The following BCCIP variants were observed in gnomAD, a reference collection of about 807,000 sequenced individuals.
BCCIP encodes the protein BRCA2 and CDKN1A-interacting protein.
Under a neutral mutation model 32.8 loss-of-function variants are expected in BCCIP, and 23 were observed. That is an observed-to-expected ratio of 0.70 (90% CI 0.51 to 0.99). The LOEUF (loss-of-function observed/expected upper bound fraction) is 0.99, where lower values mean the gene tolerates loss of function less well. BCCIP is among the 50% of genes least tolerant of loss of function. BCCIP has a pLI of 0.00. For synonymous variants in BCCIP, 144 were observed against 137.6 expected, an observed-to-expected ratio of 1.05 and a Z score of -0.33; for missense variants, 378 against 379.8, an observed-to-expected ratio of 1.00 and a Z score of 0.04.
chr10:125,836,109 A>G lies in BCCIP; in HGVS notation c.780A>G (p.Ala260=). 1 of 1,610,298 alleles carries G rather than the reference A, an allele frequency of 6.2e-7. No homozygotes were observed. Among genetic ancestry groups the G allele is most frequent in the Admixed American group, 1.7e-5 (1 of 59,760 alleles). The change falls in exon 7 of 7, where the codon GCA becomes GCG. Residue 260 remains alanine (A), a synonymous_variant. Transcript: ENST00000278100. ...TGGTTACTTATTTGGTTTAGAAGGC[A>G]ATTCTCAAGTTCAACTACTCAGTGC... is the stretch of plus-strand genomic sequence containing the variant. ...NAEEEFFYEK[A]ILKFNYSVQE...
At chr10:125,826,470 A>C in intron 1 of BCCIP, 121 bp from the exon 2 acceptor site, 1 of 1,449,306 alleles carries the variant, frequency 6.9e-7, no homozygotes, top group Non-Finnish European at 9.2e-7. Flanking sequence ...TGTCACCTGA[A>C]GAAATAGTGT....
exon 7 of BCCIP, chr10:125,841,813 C>G: frequency 1.9e-6 from 3 of 1,613,650 alleles, no homozygotes; most frequent in Non-Finnish European, 2.5e-6. Flanking sequence ...AGATAGACTT[C>G]GAGAGTTGTG....
At chr10:125,829,414 C>A (rs190079235) in intron 3 of BCCIP, among the ~76,000 whole-genome samples, 219 of 152,318 alleles carry the variant, frequency 1.4e-3, no homozygotes, top group African/African-American at 5.1e-3. Context: ...TCCATTCAGT[C>A]TAATGTTCCA....
chr10:125,852,359 T>C, intron 7 of BCCIP: 1 of 1,614,204 alleles, frequency 6.2e-7, no homozygotes, highest in Non-Finnish European at 8.5e-7. Flanking sequence ...AAAAGCACCA[T>C]GCTTGTTAGG....
At chr10:125,845,674 A>G (rs1944007874), downstream of BCCIP, among the ~76,000 whole-genome samples, 1 of 152,242 alleles carries the variant, frequency 6.6e-6, no homozygotes, top group South Asian at 2.1e-4. Context: ...AGGATGTTAG[A>G]GATAGAGTGG....
At chr10:125,825,763 T>C (rs983682627) in intron 1 of BCCIP, 3 of 152,228 alleles carry the variant, frequency 2.0e-5, no homozygotes, top group Non-Finnish European at 4.4e-5. Flanking sequence ...GTGTCACTTA[T>C]CAAGGTCTGA....
downstream of BCCIP, chr10:125,838,105 G>A: frequency 8.8e-7 from 1 of 1,135,574 alleles, no homozygotes; most frequent in South Asian, 1.7e-5. Context: ...GATTGCATCA[G>A]TATAAACTTT....
chr10:125,833,751 T>C (rs759903747), intron 5 of BCCIP, 21 bp from the exon 6 acceptor site: 2 of 1,611,892 alleles, frequency 1.2e-6, no homozygotes, highest in East Asian at 2.2e-5. Flanking sequence ...GGTAAACAAA[T>C]GTTGTGTGTG....
chr10:125,830,746 G>A (rs1473655640), intron 4 of BCCIP, 95 bp downstream of exon 4: 1 of 747,794 alleles, frequency 1.3e-6, no homozygotes, highest in Non-Finnish European at 2.3e-6. Context: ...GTTAAACAGT[G>A]ATATTAACTA....
intron 6 of BCCIP, among the ~76,000 whole-genome samples, chr10:125,835,122 G>C (rs1190652015): frequency 6.6e-6 from 1 of 151,660 alleles, no homozygotes; most frequent in African/African-American, 2.4e-5. Context: ...GACAGAGCGA[G>C]ACTCTGTCTC....
In BCCIP at chr10:125,829,058, T is replaced by G. The variant is rs1466383409; in HGVS notation, c.321+1420T>G. ...TTTGCTTAGTCTTTACAGATAGAAA[T>G]TTCTATCTAGGGGGAGGGCACATTG... On this transcript the variant is annotated intron_variant, in intron 3 of 6. Coordinates refer to ENST00000278100, the MANE Select transcript of BCCIP (RefSeq NM_078468.3). Among the ~76,000 whole-genome samples, 3 of 152,098 alleles carry G rather than the reference T, an allele frequency of 2.0e-5. No homozygotes were observed. The East Asian group carries it at 5.8e-4, about 29-fold the overall frequency.
In BCCIP at chr10:125,827,764, G is replaced by A. The variant is rs1854432791; in HGVS notation, c.321+126G>A. On this transcript the variant is annotated intron_variant, in intron 3 of 6. Coordinates refer to ENST00000278100, the MANE Select transcript of BCCIP (RefSeq NM_078468.3). ...GTGGGAGGATTGCTTGAGGCCAGGA[G>A]TTCAAGACCATCCTGGGCAATATAG... 7 of 651,994 alleles carry A rather than the reference G, an allele frequency of 1.1e-5. No homozygotes were observed. In the South Asian group the frequency reaches 1.4e-4, roughly 13 times the overall value. 40.4% of individuals were successfully genotyped at this position (651,994 alleles called of 1,614,324 possible). A position where few individuals can be genotyped will look rare whatever the true frequency, so the allele number is the denominator to read the frequency against.
chr10:125,838,874 T>C (rs549994294), downstream of BCCIP: 15 of 1,134,804 alleles, frequency 1.3e-5, no homozygotes, highest in Non-Finnish European at 1.7e-5. Context: ...ACCAAATCTT[T>C]AATAATAACA....
chr10:125,839,251 G>A, downstream of BCCIP: 1 of 1,540,762 alleles, frequency 6.5e-7, no homozygotes, highest in Non-Finnish European at 8.8e-7. Context: ...AAGAGCCCAG[G>A]CCAGGCAGTT....
downstream of BCCIP, among the ~76,000 whole-genome samples, chr10:125,838,603 C>T (rs1170246319): frequency 6.6e-6 from 1 of 152,154 alleles, no homozygotes; most frequent in East Asian, 1.9e-4. Flanking sequence ...TCAGCAACAG[C>T]AGGGCACTGC....
At chr10:125,844,290 G>A (rs575768693), downstream of BCCIP, among the ~76,000 whole-genome samples, 2 of 152,246 alleles carry the variant, frequency 1.3e-5, no homozygotes, top group Non-Finnish European at 2.9e-5. Context: ...AAGCTTTTCA[G>A]AAACCAGTTT....
chr10:125,850,354 CTTTTTTTTTTT>C (rs765077777), intron 7 of BCCIP, among the ~76,000 whole-genome samples: 4 of 124,560 alleles, frequency 3.2e-5, no homozygotes, highest in African/African-American at 1.2e-4. Context: ...TTCTTTCTTT[CTTTTTTTTTTT>C]TTTTTTTTTG....
At chr10:125,823,926 A>G (rs1483019579) in intron 1 of BCCIP, among the ~76,000 whole-genome samples, 1 of 152,180 alleles carries the variant, frequency 6.6e-6, no homozygotes, top group Admixed American at 6.5e-5. Flanking sequence ...AGTCCGGTCC[A>G]GTTAATCTCC....
chr10:125,850,018 G>A lies in BCCIP; in HGVS notation c.851-3107G>A, dbSNP rs907802640. Among the ~76,000 whole-genome samples, 5 of 151,830 alleles carry A rather than the reference G, an allele frequency of 3.3e-5. No individual in the cohort carries two copies. The South Asian group carries it at 6.2e-4, about 19-fold the overall frequency. On this transcript the variant is annotated intron_variant, in intron 7 of 7. Coordinates refer to the BCCIP transcript ENST00000368759. ...GTCTTGCTCTGTCACCCTGTCTGAA[G>A]TACAGTAGCACGATCATAGCTCACT... is the stretch of plus-strand genomic sequence containing the variant.
Sources: allele counts gnomAD v4.1 joint callset (sites outside exome capture counted in the v4.1 genomes callset), GRCh38; gene constraint gnomAD v4.1.1; transcripts MANE v1.5; gene names NCBI Gene and HGNC (gene_info 2026-07-23, HGNC 2026-07-21).